CAB39L: variants seen among roughly 807,000 people sequenced by gnomAD.
CAB39L encodes calcium-binding protein 39-like.
CAB39L carries 23 observed loss-of-function variants against 39.1 expected under a neutral mutation model. The observed-to-expected ratio is 0.59, with a 90% CI of 0.42 to 0.83. The LOEUF (loss-of-function observed/expected upper bound fraction) is 0.83. CAB39L is among the 40% of genes least tolerant of loss of function. CAB39L has a pLI of 0.00. For synonymous variants in CAB39L, 126 were observed against 137.2 expected, an observed-to-expected ratio of 0.92 and a Z score of 0.57; for missense variants, 366 against 391.9, an observed-to-expected ratio of 0.93 and a Z score of 0.56.
intron 3 of CAB39L, among the ~76,000 whole-genome samples, chr13:49,399,291 T>C (rs976340677): frequency 6.6e-5 from 10 of 152,064 alleles, no homozygotes; most frequent in African/African-American, 2.4e-4. Flanking sequence ...GATTTCAATG[T>C]CAGATTAGAT....
intron 3 of CAB39L, among the ~76,000 whole-genome samples, chr13:49,395,707 T>C (rs1956601023): frequency 6.6e-6 from 1 of 152,170 alleles, no homozygotes; most frequent in South Asian, 2.1e-4. Context: ...TTCTCTTTCC[T>C]AATACACAGT....
chr13:49,340,677 A>G (rs956512421), intron 8 of CAB39L, among the ~76,000 whole-genome samples: 1 of 152,230 alleles, frequency 6.6e-6, no homozygotes, highest in African/African-American at 2.4e-5. Context: ...GCATCAGACA[A>G]GCCTTGTGAT....
intron 3 of CAB39L, among the ~76,000 whole-genome samples, chr13:49,399,895 T>G (rs933585761): frequency 1.3e-5 from 2 of 152,042 alleles, no homozygotes; most frequent in Non-Finnish European, 2.9e-5. Context: ...AAGTGCAAGA[T>G]ACTAACTAGC....
intron 5 of CAB39L, among the ~76,000 whole-genome samples, chr13:49,375,664 G>A (rs939315210): frequency 6.6e-6 from 1 of 152,034 alleles, no homozygotes; most frequent in African/African-American, 2.4e-5. Flanking sequence ...GGGGAGCGGG[G>A]AGGGATAGCA....
At chr13:49,314,359 A>C (rs999170072) in intron 10 of CAB39L, among the ~76,000 whole-genome samples, 7 of 152,200 alleles carry the variant, frequency 4.6e-5, no homozygotes, top group African/African-American at 7.2e-5. Flanking sequence ...CTTCAGCACA[A>C]GTAAGTCTCC....
At chr13:49,442,734 T>A (rs1021003861) in intron 1 of CAB39L, among the ~76,000 whole-genome samples, 2 of 136,206 alleles carry the variant, frequency 1.5e-5, no homozygotes, top group Non-Finnish European at 3.0e-5. Flanking sequence ...AGAGTTGCAG[T>A]GAGCCGAGAT....
intron 1 of CAB39L, 35 bp from the exon 2 acceptor site, chr13:49,434,258 G>C (rs1002108190): frequency 4.6e-6 from 2 of 432,610 alleles, no homozygotes; most frequent in South Asian, 3.3e-5. Context: ...ACAGGCTTTG[G>C]AGTCACATCA....
intron 7 of CAB39L, among the ~76,000 whole-genome samples, chr13:49,350,199 AGAT>A (rs1166773952): frequency 6.6e-6 from 1 of 152,232 alleles, no homozygotes; most frequent in Non-Finnish European, 1.5e-5. Context: ...ATCAAACTAT[AGAT>A]GATTATGAAA....
intron 5 of CAB39L, 99 bp downstream of exon 5, chr13:49,376,868 T>C: frequency 1.3e-6 from 1 of 783,500 alleles, no homozygotes; most frequent in South Asian, 3.5e-5. Flanking sequence ...TGGAAAGCCA[T>C]AATGAAAAGC....
rs560765674 is a variant in CAB39L at position 49,344,774 on chromosome 13, G to T, written c.565-536C>A. Among the ~76,000 whole-genome samples the T allele has an allele frequency of 4.2e-4, 64 of 152,112 alleles. 1 individual carries two copies. Among genetic ancestry groups the T allele is most frequent in the African/African-American group, 1.4e-3 (59 of 41,480 alleles). On this transcript the variant is annotated intron_variant, in intron 7 of 10. Transcript: ENST00000409308. ...CCTGACTTTGTGATCCACCTGCCTC[G>T]GCCTCCCAAAGTGCCTTAACCACTT...
intron 5 of CAB39L, among the ~76,000 whole-genome samples, chr13:49,363,940 C>T (rs1379191488): frequency 6.6e-6 from 1 of 150,794 alleles, no homozygotes; most frequent in Admixed American, 6.6e-5. Context: ...TATGAAGATA[C>T]ACATGGACTG....
chr13:49,311,571 C>G (rs1953989378), intron 10 of CAB39L, among the ~76,000 whole-genome samples: 1 of 152,126 alleles, frequency 6.6e-6, no homozygotes, highest in Admixed American at 6.5e-5. Context: ...GGTGTTATGG[C>G]CCCTGCAGAC....
intron 3 of CAB39L, among the ~76,000 whole-genome samples, chr13:49,383,347 G>A (rs1956287761): frequency 6.6e-6 from 1 of 152,098 alleles, no homozygotes; most frequent in South Asian, 2.1e-4. Flanking sequence ...CCATGACATA[G>A]TTAATGAACT....
chr13:49,317,749 T>C (rs999943644), intron 10 of CAB39L, among the ~76,000 whole-genome samples: 7 of 151,714 alleles, frequency 4.6e-5, no homozygotes, highest in African/African-American at 1.7e-4. Flanking sequence ...ATACAAGCAA[T>C]GAAAGAAAAA....
chr13:49,409,812 T>G (rs1295765604), intron 3 of CAB39L, among the ~76,000 whole-genome samples: 1 of 151,790 alleles, frequency 6.6e-6, no homozygotes, highest in African/African-American at 2.4e-5. Context: ...CAGTGGCTCA[T>G]GCCTGTAATC....
At chr13:49,352,721 T>C (rs534133281) in intron 6 of CAB39L, among the ~76,000 whole-genome samples, 1 of 152,236 alleles carries the variant, frequency 6.6e-6, no homozygotes, top group South Asian at 2.1e-4. Flanking sequence ...CCCTGGAAAG[T>C]TAAGCGAGAC....
At chr13:49,406,680 CA>C (rs916384525) in intron 3 of CAB39L, among the ~76,000 whole-genome samples, 1 of 151,702 alleles carries the variant, frequency 6.6e-6, no homozygotes, top group African/African-American at 2.4e-5. Flanking sequence ...AAAGTCACTC[CA>C]AAAAAATAGT....
At chr13:49,394,981 A>G (rs1185736365) in intron 3 of CAB39L, among the ~76,000 whole-genome samples, 1 of 152,168 alleles carries the variant, frequency 6.6e-6, no homozygotes, top group Non-Finnish European at 1.5e-5. Context: ...AAACACAAAC[A>G]CACAAAACCT....
At chr13:49,317,674 GA>G (rs1954197872) in intron 10 of CAB39L, among the ~76,000 whole-genome samples, 1 of 151,976 alleles carries the variant, frequency 6.6e-6, no homozygotes, top group African/African-American at 2.4e-5. Context: ...ATTTTCACAG[GA>G]AAATACAGGG....
Sources: gnomAD v4.1 joint callset for allele counts (sites outside exome capture counted in the v4.1 genomes callset) on GRCh38, gnomAD v4.1.1 for gene constraint, MANE v1.5 for transcripts, NCBI Gene and HGNC (gene_info 2026-07-23, HGNC 2026-07-21) for gene names.